Variants in PKP2 observed in about 807,000 individuals in gnomAD.
The protein encoded by PKP2 is plakophilin 2, also known as plakophilin-2.
PKP2 carries 73 observed loss-of-function variants against 83.4 expected under a neutral mutation model. That is an observed-to-expected ratio of 0.88 (90% CI 0.72 to 1.06). PKP2 has a LOEUF of 1.06. PKP2 is among the 50% of genes least tolerant of loss of function. The pLI is 0.00. For synonymous variants in PKP2, 409 were observed against 430.4 expected (o/e 0.95, Z 0.62); for missense variants, 966 against 1,065.4 (o/e 0.91, Z 1.30).
At chr12:32,853,759 C>T (rs140818485) in intron 4 of PKP2, among the ~76,000 whole-genome samples, 1 of 152,202 alleles carries the variant, frequency 6.6e-6, no homozygotes, top group East Asian at 1.9e-4. Context: ...GATCTGCCGG[C>T]CTCAGGCTCC....
At chr12:32,838,027 G>A (rs1230037184) in intron 6 of PKP2, among the ~76,000 whole-genome samples, 1 of 152,152 alleles carries the variant, frequency 6.6e-6, no homozygotes, top group Non-Finnish European at 1.5e-5. Flanking sequence ...AAAGGCACAT[G>A]CGCTCGCATG....
At chr12:32,830,672 C>A (rs1009144613) in intron 6 of PKP2, among the ~76,000 whole-genome samples, 1 of 152,026 alleles carries the variant, frequency 6.6e-6, no homozygotes, top group Admixed American at 6.6e-5. Flanking sequence ...TTTGGGAGAC[C>A]GAGGTGGGCA....
Position 32,816,093 on chromosome 12 carries a change from A to T in PKP2, c.2013+5263T>A, listed in dbSNP as rs1291219660. On this transcript the variant is annotated intron_variant, in intron 9 of 12. Transcript: ENST00000340811. The stretch of plus-strand genomic sequence containing the variant: ...TTTATTGGCCTTTAAAAAAAATTTC[A>T]ACTTTTAGATTCAGAGGGTGGATGT... 2.6e-5 allele frequency among the ~76,000 whole-genome samples: 4 copies of T among 152,184 alleles called. No homozygotes were observed. In the East Asian group the frequency reaches 7.7e-4, roughly 29 times the overall value.
intron 10 of PKP2, 25 bp from the exon 11 acceptor site, chr12:32,796,323 AC>A: frequency 6.4e-7 from 1 of 1,553,186 alleles, no homozygotes; most frequent in African/African-American, 1.4e-5. Context: ...AAAAAACAAA[AC>A]ACTTGATTAA....
chr12:32,857,304 T>G (rs1165064511), intron 4 of PKP2, among the ~76,000 whole-genome samples: 1 of 152,012 alleles, frequency 6.6e-6, no homozygotes, highest in Non-Finnish European at 1.5e-5. Flanking sequence ...CATGCACCTG[T>G]AGTCTCAGCT....
At chr12:32,853,033 G>C (rs946722892) in intron 4 of PKP2, among the ~76,000 whole-genome samples, 2 of 152,170 alleles carry the variant, frequency 1.3e-5, no homozygotes, top group African/African-American at 4.8e-5. Context: ...GCAGTGAGCA[G>C]AAATGGCACC....
chr12:32,799,625 C>T (rs1192890585), intron 10 of PKP2, among the ~76,000 whole-genome samples: 1 of 152,100 alleles, frequency 6.6e-6, no homozygotes, highest in Non-Finnish European at 1.5e-5. Context: ...GACATAATGG[C>T]CTTTGCGGCA....
Position 32,846,745 on chromosome 12 carries a change from C to CAAAAAAAAAAAAAAAAAA in PKP2, c.1378+4003_1378+4020dup, listed in dbSNP as rs574053559. Among the ~76,000 whole-genome samples the CAAAAAAAAAAAAAAAAAA allele has an allele frequency of 2.4e-3, 179 of 74,758 alleles. 2 individuals are homozygous for CAAAAAAAAAAAAAAAAAA. The highest frequency in any genetic ancestry group is 3.3e-3 in the African/African-American group (58 of 17,678). 49.0% of individuals were successfully genotyped at this position (74,758 alleles called of 152,430 possible). On this transcript the variant is annotated intron_variant, in intron 5 of 12. Coordinates refer to ENST00000340811, the MANE Select transcript of PKP2 (RefSeq NM_001005242.3). ...GGGTAACAAGAATGAAACTTCTTCT[C>CAAAAAAAAAAAAAAAAAA]AAAAAAAAAAAAAAAAAAGAAGAGA...
chr12:32,796,239 G>A lies in PKP2; in HGVS notation c.2227C>T (p.Leu743Phe), dbSNP rs1462688980. The stretch of plus-strand genomic sequence containing the variant: ...GCAGAGGCTGTAGTTTCAATGAGAA[G>A]GTCAGTACTCGGGACTGTGTCAGGA... ...IIPDTVPSTD[L>F]LIETTASACY... is the part of the protein sequence containing the mutation. The change falls in exon 11 of 13, where the codon CTT (leucine) becomes TTT (phenylalanine). Residue 743 changes from leucine (L) to phenylalanine (F), a missense_variant. By Grantham distance (22) the Leu-to-Phe change is conservative. Coordinates refer to ENST00000340811, the MANE Select transcript of PKP2 (RefSeq NM_001005242.3). 1 of 1,613,640 alleles carries A rather than the reference G, an allele frequency of 6.2e-7. No individual in the cohort carries two copies. The highest frequency in any genetic ancestry group is 1.1e-5 in the South Asian group (1 of 91,060).
chr12:32,807,971 C>T (rs1956242248), intron 9 of PKP2, among the ~76,000 whole-genome samples: 1 of 152,128 alleles, frequency 6.6e-6, no homozygotes. Flanking sequence ...CTTATTCTTT[C>T]ATTTTGACCT....
chr12:32,858,085 ATATATATATATAT>A (rs1433117695), intron 4 of PKP2, among the ~76,000 whole-genome samples: 5 of 42,634 alleles, frequency 1.2e-4, no homozygotes, highest in South Asian at 1.0e-3. Flanking sequence ...AAAAAAAAAA[ATATATATATATAT>A]ATATATATAT....
intron 8 of PKP2, among the ~76,000 whole-genome samples, 192 bp downstream of exon 8, chr12:32,822,275 T>C (rs547463267): frequency 5.9e-5 from 9 of 152,312 alleles, no homozygotes; most frequent in African/African-American, 2.2e-4. Context: ...AAAATTAATC[T>C]TACTGTGTCT....
chr12:32,888,910 C>T (rs1957054696), intron 1 of PKP2, among the ~76,000 whole-genome samples: 1 of 151,888 alleles, frequency 6.6e-6, no homozygotes, highest in Admixed American at 6.6e-5. Context: ...CCTGTCTCGG[C>T]CTCTCAAAGT....
chr12:32,881,886 A>T (rs138069338), intron 1 of PKP2, among the ~76,000 whole-genome samples: 98 of 152,254 alleles, frequency 6.4e-4, no homozygotes, highest in African/African-American at 2.3e-3. Context: ...TCCCCAGGCC[A>T]CTAGGGAGGT....
At chr12:32,869,626 T>C (rs1379296572) in intron 3 of PKP2, among the ~76,000 whole-genome samples, 1 of 148,842 alleles carries the variant, frequency 6.7e-6, no homozygotes, top group African/African-American at 2.5e-5. Flanking sequence ...AGAAAAAAGA[T>C]AAATATGTAT....
chr12:32,822,498 C>T lies in PKP2; in HGVS notation c.1808G>A (p.Cys603Tyr). The T allele has an allele frequency of 6.2e-7, 1 of 1,614,138 alleles. No homozygotes were observed. The highest frequency in any genetic ancestry group is 1.1e-5 in the South Asian group (1 of 91,082). ...IQTDNNKSIG[C>Y]FGSRSRKVKE... Reference sequence around the variant, plus strand: ...TACTTTCCTGCTTCGACTGCCAAAACATCCAATACTTTTGTTGTTGTCAGT... The same window carrying T: ...TACTTTCCTGCTTCGACTGCCAAAATATCCAATACTTTTGTTGTTGTCAGT... Residue 603 changes from cysteine to tyrosine, a missense_variant, in exon 8 of 13, where the codon TGT (cysteine) becomes TAT (tyrosine). Transcript: ENST00000340811.
intron 6 of PKP2, among the ~76,000 whole-genome samples, chr12:32,832,375 T>C (rs1169470229): frequency 2.7e-5 from 4 of 150,398 alleles, no homozygotes; most frequent in Non-Finnish European, 1.5e-5. Flanking sequence ...AGAGTCTGTC[T>C]CAAAAAAAGA....
At chr12:32,813,236 G>A (rs376105567) in intron 9 of PKP2, among the ~76,000 whole-genome samples, 7 of 152,264 alleles carry the variant, frequency 4.6e-5, no homozygotes, top group South Asian at 4.1e-4. Flanking sequence ...AATGGACTAA[G>A]CCATAAGGAC....
At chr12:32,792,831 C>T (rs1385900735) in intron 11 of PKP2, 100 bp from the exon 12 acceptor site, 4 of 917,656 alleles carry the variant, frequency 4.4e-6, no homozygotes, top group East Asian at 2.4e-5. Flanking sequence ...TCAACTGCTA[C>T]TCCGCAGCAG....
Sources: gnomAD v4.1 joint callset for allele counts (sites outside exome capture counted in the v4.1 genomes callset) on GRCh38, gnomAD v4.1.1 for gene constraint, MANE v1.5 for transcripts, NCBI Gene and HGNC (gene_info 2026-07-23, HGNC 2026-07-21) for gene names.